SNUPN: variants seen among roughly 807,000 people sequenced by gnomAD.
The protein encoded by SNUPN is snurportin 1, also known as snurportin-1.
In SNUPN, 31 loss-of-function variants were observed where a neutral mutation model predicts 39.2. That is an observed-to-expected ratio of 0.79 (90% CI 0.59 to 1.07). The LOEUF (loss-of-function observed/expected upper bound fraction) is 1.07. Ranked by LOEUF, SNUPN falls within the 50% of genes least tolerant of loss-of-function variation. The pLI is 0.00. For missense variants in SNUPN, 382 were observed against 434.2 expected (o/e 0.88, Z 1.07); for synonymous variants, 132 against 159.0 (o/e 0.83, Z 1.28).
chr15:75,626,412 T>C (rs2141384984), upstream of SNUPN: 1 of 152,280 alleles, frequency 6.6e-6, no homozygotes, highest in Non-Finnish European at 1.5e-5. Context: ...AAGACTAGGG[T>C]AAGCGGCAGA....
In SNUPN at chr15:75,623,440, C is replaced by T. The variant is rs572645155; in HGVS notation, c.-6+2226G>A. On this transcript the variant is annotated intron_variant, in intron 1 of 8. Transcript: ENST00000308588. ...CTGGGATTACAGGTGTGAGCCACCA[C>T]GCCCGGCCTTTTTTTTTTTTTTGAG... Among the ~76,000 whole-genome samples the T allele has an allele frequency of 6.1e-5, 8 of 131,528 alleles. No individual in the cohort carries two copies. In the East Asian group the frequency reaches 1.7e-3, roughly 27 times the overall value. 86.3% of individuals were successfully genotyped at this position (131,528 alleles called of 152,430 possible). A position where few individuals can be genotyped will look rare whatever the true frequency, so the allele number is the denominator to read the frequency against.
At position 75,619,738 on chromosome 15, in the gene SNUPN, C is replaced by CTATT. The variant is rs1893022062; in HGVS notation, c.158+1152_158+1155dup. ...TGGGAAGACCTCACCATATACTCTT[C>CTATT]TATTTATTTTATTTATTTATTTATT... On this transcript the variant is annotated intron_variant, in intron 2 of 8. Coordinates refer to ENST00000308588, the MANE Select transcript of SNUPN (RefSeq NM_005701.4). Among the ~76,000 whole-genome samples the CTATT allele has an allele frequency of 7.2e-5, 11 of 152,020 alleles. No individual in the cohort carries two copies. The South Asian group carries it at 2.3e-3, about 32-fold the overall frequency.
intron 2 of SNUPN, among the ~76,000 whole-genome samples, chr15:75,619,354 C>T (rs568357337): frequency 1.3e-3 from 200 of 151,824 alleles, no homozygotes; most frequent in African/African-American, 4.5e-3. Flanking sequence ...AGAATATCTT[C>T]GGAAGGGCCA....
upstream of SNUPN, chr15:75,625,889 C>A (rs1306146935): frequency 6.6e-6 from 1 of 152,500 alleles, no homozygotes; most frequent in Non-Finnish European, 1.5e-5. Context: ...CATTTCCCAT[C>A]GGCTAGGGAG....
At chr15:75,619,410 G>A (rs1482414037) in intron 2 of SNUPN, among the ~76,000 whole-genome samples, 1 of 152,112 alleles carries the variant, frequency 6.6e-6, no homozygotes. Context: ...GGGAGGTCAA[G>A]GTGGGAGGAT....
At chr15:75,598,896 G>A (rs1479122612) in intron 8 of SNUPN, among the ~76,000 whole-genome samples, 1 of 152,060 alleles carries the variant, frequency 6.6e-6, no homozygotes, top group Non-Finnish European at 1.5e-5. Context: ...GGCTGGGCGT[G>A]GTGGCTCATG....
At chr15:75,618,991 A>C (rs1253605029) in intron 2 of SNUPN, among the ~76,000 whole-genome samples, 1 of 143,128 alleles carries the variant, frequency 7.0e-6, no homozygotes, top group Non-Finnish European at 1.5e-5. Context: ...ATAAATGTGC[A>C]GAACAGTATA....
At chr15:75,605,973 C>T (rs1391070494) in intron 6 of SNUPN, among the ~76,000 whole-genome samples, 1 of 151,998 alleles carries the variant, frequency 6.6e-6, no homozygotes, top group Non-Finnish European at 1.5e-5. Flanking sequence ...GGTGAAACGC[C>T]GTCTCTACTA....
At chr15:75,623,762 T>C (rs1479467965) in intron 1 of SNUPN, among the ~76,000 whole-genome samples, 3 of 151,498 alleles carry the variant, frequency 2.0e-5, no homozygotes, top group Non-Finnish European at 4.4e-5. Context: ...TGCCTTAATA[T>C]CTTTGCAATG....
intron 4 of SNUPN, 42 bp downstream of exon 4, chr15:75,609,848 A>G (rs1892733119): frequency 6.7e-7 from 1 of 1,488,588 alleles, no homozygotes; most frequent in African/African-American, 1.4e-5. Flanking sequence ...CCCTCCCACT[A>G]CAGACCAGGC....
chr15:75,620,699 C>A (rs1234332495), intron 2 of SNUPN, among the ~76,000 whole-genome samples, 195 bp downstream of exon 2: 1 of 152,186 alleles, frequency 6.6e-6, no homozygotes, highest in Admixed American at 6.6e-5. Context: ...CCTAATTCCT[C>A]ATCTTCTCCT....
At chr15:75,616,455 T>C (rs1892942077) in intron 3 of SNUPN, among the ~76,000 whole-genome samples, 1 of 151,530 alleles carries the variant, frequency 6.6e-6, no homozygotes, top group Non-Finnish European at 1.5e-5. Context: ...CAAAACTCTG[T>C]CTCAAAAAAG....
At chr15:75,600,476 T>A (rs948910703) in intron 8 of SNUPN, among the ~76,000 whole-genome samples, 1 of 152,124 alleles carries the variant, frequency 6.6e-6, no homozygotes, top group African/African-American at 2.4e-5. Context: ...GGTTTTGCCA[T>A]GTTGGCCAGG....
intron 8 of SNUPN, among the ~76,000 whole-genome samples, chr15:75,599,341 G>A (rs186154934): frequency 6.6e-6 from 1 of 152,326 alleles, no homozygotes; most frequent in Admixed American, 6.5e-5. Flanking sequence ...GTAGGAAGCA[G>A]GACTTCAACT....
chr15:75,612,568 A>C (rs932111239), intron 3 of SNUPN, among the ~76,000 whole-genome samples: 1 of 151,850 alleles, frequency 6.6e-6, no homozygotes, highest in African/African-American at 2.4e-5. Context: ...ATCTATTTCT[A>C]TAGCTTCACT....
chr15:75,601,017 G>T, intron 8 of SNUPN, 121 bp downstream of exon 8: 1 of 767,630 alleles, frequency 1.3e-6, no homozygotes, highest in Non-Finnish European at 2.3e-6. Flanking sequence ...TCCAGAATCA[G>T]CTTTGTCCCA....
intron 1 of SNUPN, among the ~76,000 whole-genome samples, chr15:75,623,421 T>C (rs1179698033): frequency 6.6e-6 from 1 of 151,398 alleles, no homozygotes; most frequent in African/African-American, 2.4e-5. Context: ...AGTGCTGGGA[T>C]TACAGGTGTG....
At chr15:75,609,137 C>CAA (rs375984400) in intron 5 of SNUPN, among the ~76,000 whole-genome samples, 33 of 68,002 alleles carry the variant, frequency 4.9e-4, no homozygotes, top group Non-Finnish European at 7.5e-4. Flanking sequence ...TCTCAAAAAA[C>CAA]AAAAAAAAAA....
At chr15:75,622,760 A>G (rs1336955131) in intron 1 of SNUPN, among the ~76,000 whole-genome samples, 3 of 152,234 alleles carry the variant, frequency 2.0e-5, no homozygotes, top group Non-Finnish European at 4.4e-5. Flanking sequence ...CTACTTGGCC[A>G]GTGAGTTACT....
Sources: allele counts gnomAD v4.1 joint callset (sites outside exome capture counted in the v4.1 genomes callset), GRCh38; gene constraint gnomAD v4.1.1; transcripts MANE v1.5; gene names NCBI Gene and HGNC (gene_info 2026-07-23, HGNC 2026-07-21).